Variants in ASAH2 observed in about 807,000 individuals in gnomAD.
The protein encoded by ASAH2 is N-acylsphingosine amidohydrolase 2.
In ASAH2, 58 loss-of-function variants were observed where a neutral mutation model predicts 82.9. The observed-to-expected ratio is 0.70, with a 90% CI of 0.57 to 0.87. The LOEUF is 0.87. ASAH2 is among the 40% of genes least tolerant of loss of function. The probability of loss-of-function intolerance (pLI) is 0.00; values close to 1 mark genes in which losing one functional copy is unlikely to be tolerated. For synonymous variants in ASAH2, 276 were observed against 289.7 expected (o/e 0.95, Z 0.48); for missense variants, 779 against 834.0 (o/e 0.93, Z 0.81).
At position 50,234,516 on chromosome 10, in the gene ASAH2, T is replaced by A; in HGVS notation, c.724A>T (p.Lys242Ter). 1 of 1,613,090 alleles carries A rather than the reference T, an allele frequency of 6.2e-7. No individual in the cohort carries two copies. The highest frequency in any genetic ancestry group is 8.5e-7 in the Non-Finnish European group (1 of 1,179,246). Residue 242 changes from lysine (K) to a stop codon, truncating the protein, a stop_gained, in exon 6 of 21, where the codon AAA (lysine) becomes TAA (stop). Transcript: ENST00000682911. LOFTEE classifies it high-confidence loss of function. ...ACATTTCCTTTATTGATGAAGATTT[T>A]GCCTGGTTTCATATTTGTGTGTGCT... ...DIAHTNMKPG[K>*]IFINKGNVDG...
rs1056381228 is a variant in ASAH2, at chr10:50,237,135, G to C, written c.511-1071C>G. 4.3e-3 allele frequency among the ~76,000 whole-genome samples: 656 copies of C among 152,228 alleles called. 3 individuals are homozygous for C. Among genetic ancestry groups the C allele is most frequent in the African/African-American group, 0.013 (526 of 41,558 alleles). ...AATATCTGGGGGAAAAGCAACTCAG[G>C]CATAGTGAGCAGAAACTGCAAAGGT... On this transcript the variant is annotated intron_variant, in intron 4 of 20. Coordinates refer to ENST00000682911, the MANE Select transcript of ASAH2 (RefSeq NM_019893.4).
intron 2 of ASAH2, among the ~76,000 whole-genome samples, chr10:50,245,825 A>G (rs1846440629): frequency 6.6e-6 from 1 of 152,032 alleles, no homozygotes; most frequent in South Asian, 2.1e-4. Flanking sequence ...TTTTCTATCC[A>G]GACTCCTCAC....
intron 4 of ASAH2, 50 bp from the exon 5 acceptor site, chr10:50,236,114 C>T: frequency 6.5e-7 from 1 of 1,543,230 alleles, no homozygotes; most frequent in Non-Finnish European, 9.0e-7. Flanking sequence ...CATAGGAGCT[C>T]AACATGAGAA....
chr10:50,208,478 T>C (rs1845366959), intron 12 of ASAH2, among the ~76,000 whole-genome samples: 1 of 152,070 alleles, frequency 6.6e-6, no homozygotes, highest in Non-Finnish European at 1.5e-5. Flanking sequence ...ATAAGGTCAA[T>C]ACAGCTATCT....
At chr10:50,247,494 A>G (rs550226849) in intron 2 of ASAH2, among the ~76,000 whole-genome samples, 1 of 151,988 alleles carries the variant, frequency 6.6e-6, no homozygotes, top group South Asian at 2.1e-4. Context: ...TGATCCTTTC[A>G]CTTCTATCAG....
intron 4 of ASAH2, among the ~76,000 whole-genome samples, chr10:50,238,516 C>T (rs895856451): frequency 5.9e-5 from 9 of 152,064 alleles, no homozygotes; most frequent in South Asian, 2.1e-4. Context: ...CCACCACTCT[C>T]GCATATTATT....
intron 16 of ASAH2, among the ~76,000 whole-genome samples, chr10:50,200,828 T>C (rs1258197511): frequency 1.3e-5 from 2 of 152,216 alleles, no homozygotes; most frequent in African/African-American, 2.4e-5. Flanking sequence ...CAGGAAAATA[T>C]TGGGTAGAAG....
intron 5 of ASAH2, among the ~76,000 whole-genome samples, chr10:50,235,565 C>G (rs1309581810): frequency 5.9e-5 from 9 of 152,062 alleles, no homozygotes; most frequent in African/African-American, 1.4e-4. Flanking sequence ...ATGGGTTTCT[C>G]TTTGTGTGAC....
chr10:50,249,963 T>C (rs979094041), intron 1 of ASAH2, among the ~76,000 whole-genome samples: 3 of 152,194 alleles, frequency 2.0e-5, no homozygotes, highest in Admixed American at 6.5e-5. Context: ...ACAATGTAGA[T>C]GTATTTAGTA....
rs1265268942 is a variant in ASAH2, at chr10:50,186,112, C to A, written c.*1203G>T. ...TAGTATTTAGCAAACTGTCTGGAGC[C>A]TCTTTCCCCCCAAATTAGAGTATCC... On this transcript the variant is annotated 3_prime_UTR_variant, in exon 21 of 21. Coordinates refer to ENST00000682911, the MANE Select transcript of ASAH2 (RefSeq NM_019893.4). 7.9e-6 allele frequency: 1 copy of A among 126,344 alleles called. No homozygotes were observed. The highest frequency in any genetic ancestry group is 3.0e-5 in the African/African-American group (1 of 32,806). The allele number at this position is 126,344 out of a possible 1,614,324, so 7.8% of individuals were successfully genotyped here.
At chr10:50,238,237 G>A (rs1258408288) in intron 4 of ASAH2, among the ~76,000 whole-genome samples, 1 of 152,054 alleles carries the variant, frequency 6.6e-6, no homozygotes, top group African/African-American at 2.4e-5. Flanking sequence ...GGTAAGTGGG[G>A]AGTAGCAGCT....
At chr10:50,208,610 A>AT (rs1248047322) in intron 12 of ASAH2, among the ~76,000 whole-genome samples, 1 of 152,072 alleles carries the variant, frequency 6.6e-6, no homozygotes, top group Non-Finnish European at 1.5e-5. Flanking sequence ...TACAAAATTT[A>AT]TTTTTTGTAT....
At chr10:50,197,220 T>C (rs1845010787) in intron 17 of ASAH2, among the ~76,000 whole-genome samples, 1 of 151,876 alleles carries the variant, frequency 6.6e-6, no homozygotes, top group Non-Finnish European at 1.5e-5. Flanking sequence ...TCAAATTGTC[T>C]GACTTTGTAC....
chr10:50,220,574 C>T (rs1025485711), intron 7 of ASAH2, among the ~76,000 whole-genome samples: 1 of 151,932 alleles, frequency 6.6e-6, no homozygotes, highest in African/African-American at 2.4e-5. Flanking sequence ...TAAGTGGGAA[C>T]TGAATAATGA....
At chr10:50,212,932 A>G (rs1845496568) in intron 10 of ASAH2, 40 bp downstream of exon 10, 17 of 1,570,926 alleles carry the variant, frequency 1.1e-5, no homozygotes, top group Non-Finnish European at 1.5e-5. Context: ...TTAAAGGACA[A>G]TTTTAAACAA....
intron 7 of ASAH2, among the ~76,000 whole-genome samples, chr10:50,221,051 C>G (rs1163583941): frequency 1.3e-5 from 2 of 152,114 alleles, no homozygotes; most frequent in East Asian, 3.9e-4. Flanking sequence ...AATGAGTGAG[C>G]TGAATTCAGT....
chr10:50,247,923 C>T (rs930323209), intron 2 of ASAH2, among the ~76,000 whole-genome samples: 1 of 152,322 alleles, frequency 6.6e-6, no homozygotes, highest in South Asian at 2.1e-4. Context: ...GTTCTCTCTA[C>T]AACAAACAGC....
intron 9 of ASAH2, among the ~76,000 whole-genome samples, chr10:50,213,850 C>G (rs1056848804): frequency 2.0e-5 from 3 of 151,944 alleles, no homozygotes. Context: ...GGTTTAACCC[C>G]ATTGGGTGGA....
chr10:50,203,561 A>G (rs1845216252), intron 15 of ASAH2, 79 bp downstream of exon 15: 2 of 1,227,468 alleles, frequency 1.6e-6, no homozygotes, highest in Admixed American at 1.7e-5. Context: ...AACTCTAGAT[A>G]TAGGATCATA....
Sources: gnomAD v4.1 joint callset for allele counts (sites outside exome capture counted in the v4.1 genomes callset) on GRCh38, gnomAD v4.1.1 for gene constraint, MANE v1.5 for transcripts, NCBI Gene and HGNC (gene_info 2026-07-23, HGNC 2026-07-21) for gene names.